The following CNGA1 variants were observed in gnomAD, a reference collection of about 807,000 sequenced individuals.
The protein encoded by CNGA1 is cyclic nucleotide-gated channel alpha-1.
CNGA1 carries 53 observed loss-of-function variants against 69.7 expected under a neutral mutation model. The observed-to-expected ratio is 0.76, with a 90% CI of 0.61 to 0.96. The LOEUF (loss-of-function observed/expected upper bound fraction) is 0.96. CNGA1 is among the 40% of genes least tolerant of loss of function. The pLI is 0.00. For synonymous variants in CNGA1, 249 were observed against 283.5 expected, an observed-to-expected ratio of 0.88 and a Z score of 1.22; for missense variants, 739 against 811.2, an observed-to-expected ratio of 0.91 and a Z score of 1.08.
chr4:47,984,071 C>T (rs167692), intron 2 of CNGA1, among the ~76,000 whole-genome samples: 27,183 of 152,072 alleles, frequency 0.18, 2,610 homozygotes, highest in Middle Eastern at 0.24. Flanking sequence ...TATGTCTAGG[C>T]CTATCTGACT....
chr4:47,962,939 T>C (rs1333440486), intron 3 of CNGA1, among the ~76,000 whole-genome samples: 1 of 151,744 alleles, frequency 6.6e-6, no homozygotes. Flanking sequence ...AAAGAATTGA[T>C]ATGTTTAAAA....
rs568380723 is a variant in CNGA1, at chr4:47,996,325, T to C, written c.-123+14469A>G. 3.3e-5 allele frequency among the ~76,000 whole-genome samples: 5 copies of C among 152,312 alleles called. No homozygotes were observed. The South Asian group carries it at 1.0e-3, about 32-fold the overall frequency. ...GCTCCTTGGAATATTGGAAATTTAG[T>C]GGACTTGAGATTTGCATCCTGGTTT... On this transcript the variant is annotated intron_variant, in intron 2 of 10. Transcript: ENST00000514170.
chr4:47,950,398 G>T (rs1739670353), intron 5 of CNGA1, among the ~76,000 whole-genome samples: 1 of 152,254 alleles, frequency 6.6e-6, no homozygotes, highest in African/African-American at 2.4e-5. Context: ...CCCCAGCCAT[G>T]TGGAACTGTG....
At chr4:47,981,217 G>T (rs1266150930) in intron 3 of CNGA1, among the ~76,000 whole-genome samples, 176 bp downstream of exon 3, 1 of 152,184 alleles carries the variant, frequency 6.6e-6, no homozygotes, top group South Asian at 2.1e-4. Context: ...GCCAGGTAGA[G>T]TATTCACTTA....
chr4:47,946,026 C>G (rs746818134), intron 6 of CNGA1, among the ~76,000 whole-genome samples: 6 of 152,166 alleles, frequency 3.9e-5, no homozygotes, highest in Non-Finnish European at 7.3e-5. Flanking sequence ...AACTCCCACC[C>G]CTACCCCACT....
In CNGA1 at chr4:47,942,359, GTTT is replaced by G. The variant is rs201657712; in HGVS notation, c.438-214_438-212del. 0.65 allele frequency among the ~76,000 whole-genome samples: 80,195 copies of G among 123,226 alleles called. 25,699 individuals are homozygous for G. The highest frequency in any genetic ancestry group is 0.71 in the Admixed American group (8,505 of 12,028). The allele number at this position is 123,226 out of a possible 152,430, so 80.8% of individuals were successfully genotyped here. On this transcript the variant is annotated intron_variant, in intron 8 of 10. Transcript: ENST00000514170. ...GGGTGGATAGATAACAAAACTACCA[GTTT>G]TTTTTTTTTTTTTTTTTTTGAGAGG...
In CNGA1 at chr4:47,937,731, G is replaced by C; in HGVS notation, c.751C>G (p.Pro251Ala). 1 of 1,613,796 alleles carries C rather than the reference G, an allele frequency of 6.2e-7. No homozygotes were observed. Among genetic ancestry groups the C allele is most frequent in the South Asian group, 1.1e-5 (1 of 91,052 alleles). ...QFKLDVLSLI[P>A]TDLLYFKLGW... is the part of the protein sequence containing the mutation. ...AACTTAAAATACAGCAAATCAGTTG[G>C]TATCAGTGACAGAACATCAAGTTTA... Residue 251 changes from proline to alanine, a missense_variant, in exon 11 of 11, where the codon CCA (proline) becomes GCA (alanine). Physicochemically the swap from Pro to Ala is conservative, Grantham distance 27. Coordinates refer to ENST00000514170, the MANE Select transcript of CNGA1 (RefSeq NM_001379270.1).
chr4:47,971,400 A>G (rs893332252), intron 3 of CNGA1, among the ~76,000 whole-genome samples: 8 of 152,070 alleles, frequency 5.3e-5, no homozygotes, highest in Admixed American at 3.9e-4. Context: ...CTGACCCCCC[A>G]TTTCAAAATG....
rs747932921 is a variant in CNGA1, at chr4:47,949,859, A to G, written c.261T>C (p.Asn87=). 17 of 1,614,096 alleles carry G rather than the reference A, an allele frequency of 1.1e-5. No homozygotes were observed. The highest frequency in any genetic ancestry group is 1.6e-4 in the Middle Eastern group (1 of 6,062). The change falls in exon 6 of 11, where the codon AAT becomes AAC. Residue 87 remains asparagine (N), a synonymous_variant. Coordinates refer to ENST00000514170, the MANE Select transcript of CNGA1 (RefSeq NM_001379270.1). ...QYLPGAIALF[N]VNNSSNKDQE... is the part of the protein sequence containing the mutation. ...GGTCCTTATTGCTGCTGTTGTTCAC[A>G]TTAAAAAGTGCAATGGCACCAGGCA...
intron 2 of CNGA1, among the ~76,000 whole-genome samples, chr4:48,002,093 A>G (rs1263956823): frequency 6.6e-6 from 1 of 152,224 alleles, no homozygotes; most frequent in Non-Finnish European, 1.5e-5. Flanking sequence ...GTAGTGAAAG[A>G]GAATAAAGGT....
chr4:48,004,366 C>CT, intron 2 of CNGA1, among the ~76,000 whole-genome samples: 1 of 152,134 alleles, frequency 6.6e-6, no homozygotes. Context: ...GCCCAGCTGT[C>CT]TTTTTTTAAT....
intron 1 of CNGA1, among the ~76,000 whole-genome samples, 180 bp downstream of exon 1, chr4:48,016,303 A>C (rs1385420059): frequency 6.6e-6 from 1 of 152,086 alleles, no homozygotes; most frequent in Admixed American, 6.5e-5. Flanking sequence ...CCCCAAAATA[A>C]ACTTGAGCCT....
chr4:47,950,373 A>G (rs377677388), intron 5 of CNGA1, among the ~76,000 whole-genome samples: 1 of 152,212 alleles, frequency 6.6e-6, no homozygotes, highest in East Asian at 1.9e-4. Flanking sequence ...GCCTTCTGCC[A>G]TGATTGTGAG....
chr4:47,942,019 A>G (rs768849923), intron 9 of CNGA1, 22 bp downstream of exon 9: 1 of 1,540,434 alleles, frequency 6.5e-7, no homozygotes, highest in South Asian at 1.1e-5. Flanking sequence ...CCACAAAAAA[A>G]AAAAAAAAAA....
At position 47,937,437 on chromosome 4, in the gene CNGA1, G is replaced by T; in HGVS notation, c.1045C>A (p.Leu349Ile). Residue 349 changes from leucine (L) to isoleucine (I), a missense_variant, in exon 11 of 11, where the codon CTT (leucine) becomes ATT (isoleucine). Leu to Ile is a conservative substitution (Grantham distance 5). Transcript: ENST00000514170. ...GTCAAAGTCAGTGTAGACCAGTAAA[G>T]GCTGTATACGTATTTTCTAGCCAAA... ...GRLARKYVYS[L>I]YWSTLTLTTI... The T allele has an allele frequency of 1.2e-6, 2 of 1,614,130 alleles. No homozygotes were observed. Among genetic ancestry groups the T allele is most frequent in the Non-Finnish European group, 1.7e-6 (2 of 1,180,014 alleles).
intron 2 of CNGA1, among the ~76,000 whole-genome samples, chr4:47,997,006 G>T (rs1010969947): frequency 6.6e-6 from 1 of 152,266 alleles, no homozygotes; most frequent in South Asian, 2.1e-4. Flanking sequence ...GTTGCAGTGA[G>T]CCAAGATTGT....
At position 48,015,208 on chromosome 4, in the gene CNGA1, ACAAG is replaced by A. The variant is rs762323718; in HGVS notation, c.-223+1271_-223+1274del. On this transcript the variant is annotated intron_variant, in intron 1 of 10. Transcript: ENST00000514170. ...AAACCAAACCAAGCCAAACAAACAA[ACAAG>A]CAAACAAAAAGAAGTCTAAGTTTTA... Among the ~76,000 whole-genome samples, 740 of 152,122 alleles carry A rather than the reference ACAAG, an allele frequency of 4.9e-3. 2 individuals are homozygous for A. Among genetic ancestry groups the A allele is most frequent in the Admixed American group, 8.2e-3 (126 of 15,292 alleles).
intron 7 of CNGA1, 23 bp downstream of exon 7, chr4:47,943,348 G>A (rs1473993045): frequency 6.5e-7 from 1 of 1,533,938 alleles, no homozygotes; most frequent in South Asian, 1.3e-5. Flanking sequence ...AAAAATGTGG[G>A]GTAATTCTTG....
At chr4:47,945,924 C>A (rs979252268) in intron 6 of CNGA1, among the ~76,000 whole-genome samples, 5 of 150,054 alleles carry the variant, frequency 3.3e-5, no homozygotes, top group South Asian at 4.2e-4. Context: ...GTGACCCACT[C>A]TGTGATCATT....
Sources: gnomAD v4.1 joint callset for allele counts (sites outside exome capture counted in the v4.1 genomes callset) on GRCh38, gnomAD v4.1.1 for gene constraint, MANE v1.5 for transcripts, NCBI Gene and HGNC (gene_info 2026-07-23, HGNC 2026-07-21) for gene names.